The following KATNAL2 variants were observed in gnomAD, a reference collection of about 807,000 sequenced individuals.
The protein encoded by KATNAL2 is katanin p60 ATPase-containing subunit A-like 2.
KATNAL2 carries 52 observed loss-of-function variants against 76.3 expected under a neutral mutation model. That is an observed-to-expected ratio of 0.68 (90% CI 0.55 to 0.86). The LOEUF (loss-of-function observed/expected upper bound fraction) is 0.86, where lower values mean the gene tolerates loss of function less well. KATNAL2 is among the 40% of genes least tolerant of loss of function. The pLI is 0.00. For synonymous variants in KATNAL2, 243 were observed against 244.2 expected (o/e 1.00, Z 0.05); for missense variants, 660 against 668.9 (o/e 0.99, Z 0.15).
chr18:46,946,388 G>C lies in KATNAL2; in HGVS notation c.-178G>C. On this transcript the variant is annotated 5_prime_UTR_variant, in exon 2 of 18. Coordinates refer to ENST00000683218, the MANE Select transcript of KATNAL2 (RefSeq NM_001387690.1). Reference sequence around the variant, plus strand: ...ACAGCAGATTCGTCCAGTCTAGATAGACCATGCACAGAGAATTTCAAAGAA... The same window carrying C: ...ACAGCAGATTCGTCCAGTCTAGATACACCATGCACAGAGAATTTCAAAGAA... 1 of 1,033,740 alleles carries C rather than the reference G, an allele frequency of 9.7e-7. No homozygotes were observed. The highest frequency in any genetic ancestry group is 1.2e-6 in the Non-Finnish European group (1 of 857,820). The allele number at this position is 1,033,740 out of a possible 1,614,324, so 64.0% of individuals were successfully genotyped here.
chr18:47,099,530 G>T, intron 16 of KATNAL2, 125 bp downstream of exon 16: 1 of 819,710 alleles, frequency 1.2e-6, no homozygotes. Flanking sequence ...AGCTGCCCCC[G>T]TAATGCAATG....
chr18:47,069,284 G>A lies in KATNAL2; in HGVS notation c.889+1G>A, dbSNP rs1360931871. 8 of 1,606,800 alleles carry A rather than the reference G, an allele frequency of 5.0e-6. No individual in the cohort carries two copies. Among genetic ancestry groups the A allele is most frequent in the Non-Finnish European group, 6.8e-6 (8 of 1,175,804 alleles). ...GGACTACTGCTGTACGGCCCTCCAG[G>A]TAAACACAGCTTCCTATTTTGATGT... is the stretch of plus-strand genomic sequence containing the variant. On this transcript the variant is annotated splice_donor_variant, in intron 12 of 17. Coordinates refer to ENST00000683218, the MANE Select transcript of KATNAL2 (RefSeq NM_001387690.1). LOFTEE classifies it high-confidence loss of function.
At chr18:47,044,889 A>C (rs1245373097) in intron 3 of KATNAL2, among the ~76,000 whole-genome samples, 1 of 152,172 alleles carries the variant, frequency 6.6e-6, no homozygotes, top group African/African-American at 2.4e-5. Flanking sequence ...TTTGAGAACA[A>C]CTTAGCCAAC....
chr18:47,036,468 C>T (rs1242575696), intron 3 of KATNAL2, among the ~76,000 whole-genome samples: 1 of 152,222 alleles, frequency 6.6e-6, no homozygotes, highest in Non-Finnish European at 1.5e-5. Flanking sequence ...CTGTCTTTGA[C>T]TGGAGTGCTG....
chr18:47,081,080 C>T (rs1376044033), intron 15 of KATNAL2, among the ~76,000 whole-genome samples: 1 of 150,774 alleles, frequency 6.6e-6, no homozygotes, highest in African/African-American at 2.4e-5. Flanking sequence ...GCCTTCTTCC[C>T]TCCTTCCCTC....
In KATNAL2 at chr18:47,099,228, CT is replaced by C. The variant is rs2063372102; in HGVS notation, c.1212-14del. The C allele has an allele frequency of 1.2e-6, 2 of 1,600,560 alleles. No homozygotes were observed. The highest frequency in any genetic ancestry group is 1.7e-6 in the Non-Finnish European group (2 of 1,171,976). On this transcript the variant is annotated splice_polypyrimidine_tract_variant and intron_variant, in intron 15 of 17. Transcript: ENST00000683218. ...TTTGCAGCCCTGTCCAGCTCCATTT[CT>C]GGTGTGATTTCAGGGAGCTGGACTG...
chr18:46,919,963 A>G, intron 1 of KATNAL2: 1 of 781,702 alleles, frequency 1.3e-6, no homozygotes, highest in Admixed American at 2.3e-5. Flanking sequence ...ATAGAGTACA[A>G]TACAGCCCTG....
At chr18:47,070,562 T>C (rs2061964039) in intron 13 of KATNAL2, among the ~76,000 whole-genome samples, 1 of 152,208 alleles carries the variant, frequency 6.6e-6, no homozygotes, top group South Asian at 2.1e-4. Flanking sequence ...GAAATCCTGT[T>C]AAACTATCAC....
chr18:46,926,884 T>G (rs1435398868), intron 1 of KATNAL2, among the ~76,000 whole-genome samples: 2 of 152,214 alleles, frequency 1.3e-5, no homozygotes, highest in Non-Finnish European at 2.9e-5. Flanking sequence ...TAAAGTTTGT[T>G]TTATCAGAGA....
At chr18:47,031,006 A>C in intron 3 of KATNAL2, among the ~76,000 whole-genome samples, 1 of 41,322 alleles carries the variant, frequency 2.4e-5, no homozygotes, top group African/African-American at 1.0e-4. Context: ...GAATCCCTCT[A>C]GCATCTCCCC....
At chr18:47,063,105 T>A in intron 9 of KATNAL2, 35 bp downstream of exon 9, 1 of 1,570,056 alleles carries the variant, frequency 6.4e-7, no homozygotes, top group Non-Finnish European at 8.8e-7. Flanking sequence ...ATCTTTCAAA[T>A]TGCCAACATC....
Position 47,059,629 on chromosome 18 carries a change from G to A in KATNAL2, c.524G>A (p.Gly175Glu). Reference protein sequence around the residue: ...LHISRIRKDSGEENAHPRRGQ... With the variant: ...LHISRIRKDSEEENAHPRRGQ... ...ATATCAAGAATCCGTAAAGACAGTG[G>A]AGAGGAAAATGCCCACCCACGAAGA... The change falls in exon 8 of 18, where the codon GGA becomes GAA. Residue 175 changes from glycine to glutamate, a missense_variant. Coordinates refer to ENST00000683218, the MANE Select transcript of KATNAL2 (RefSeq NM_001387690.1). 6.2e-7 allele frequency: 1 copy of A among 1,613,566 alleles called. No individual in the cohort carries two copies. Among genetic ancestry groups the A allele is most frequent in the Middle Eastern group, 1.7e-4 (1 of 6,060 alleles).
intron 1 of KATNAL2, among the ~76,000 whole-genome samples, chr18:46,932,841 T>C (rs927001473): frequency 1.3e-5 from 2 of 151,768 alleles, no homozygotes; most frequent in African/African-American, 4.8e-5. Context: ...CTCAGCTCAC[T>C]GCAACCTCTG....
At chr18:46,958,464 C>T (rs2059831132) in intron 3 of KATNAL2, among the ~76,000 whole-genome samples, 1 of 151,926 alleles carries the variant, frequency 6.6e-6, no homozygotes, top group Non-Finnish European at 1.5e-5. Flanking sequence ...TTTATACATA[C>T]ACATGTGCAT....
chr18:46,957,870 G>T (rs1231424744), intron 3 of KATNAL2, among the ~76,000 whole-genome samples: 2 of 151,954 alleles, frequency 1.3e-5, no homozygotes, highest in African/African-American at 4.8e-5. Context: ...CCTAATTATT[G>T]TATTTTTAGT....
At position 47,034,613 on chromosome 18, in the gene KATNAL2, T is replaced by C. The variant is rs747761241; in HGVS notation, c.52-11844T>C. On this transcript the variant is annotated intron_variant, in intron 3 of 17. Coordinates refer to ENST00000683218, the MANE Select transcript of KATNAL2 (RefSeq NM_001387690.1). ...CCCTTGCTGTGGCTCACAACGGCTT[T>C]CCCCTGGGGTTGGCCCTGGCAGCCT... 1.9e-5 allele frequency: 30 copies of C among 1,614,006 alleles called. No homozygotes were observed. The Admixed American group carries it at 3.3e-4, about 18-fold the overall frequency.
In KATNAL2 at chr18:47,075,293, C is replaced by T. The variant is rs2062162119; in HGVS notation, c.1025C>T (p.Ala342Val). 1.3e-6 allele frequency: 2 copies of T among 1,556,522 alleles called. No homozygotes were observed. Among genetic ancestry groups the T allele is most frequent in the African/African-American group, 1.4e-5 (1 of 71,064 alleles). The change falls in exon 14 of 18, where the codon GCC becomes GTC. Residue 342 changes from alanine to valine, a missense_variant. Physicochemically the swap from Ala to Val is moderately conservative, Grantham distance 64 (BLOSUM62 0). Transcript: ENST00000683218. ...CCCACCCAGGTGTTATTTGAGCTTG[C>T]CCGCTACCACGCCCCATCCACGATC... Reference protein sequence around the residue: ...EKLVRVLFELARYHAPSTIFL... With the variant: ...EKLVRVLFELVRYHAPSTIFL...
chr18:47,056,398 G>A (rs2061472680), intron 6 of KATNAL2, among the ~76,000 whole-genome samples: 1 of 152,150 alleles, frequency 6.6e-6, no homozygotes, highest in African/African-American at 2.4e-5. Flanking sequence ...CCAGTATGAG[G>A]AACAATCTGG....
In KATNAL2 at chr18:46,959,862, A is replaced by G. The variant is rs76367686; in HGVS notation, c.51+12939A>G. Among the ~76,000 whole-genome samples the G allele has an allele frequency of 7.5e-3, 1,148 of 152,334 alleles. 15 individuals carry two copies. Among genetic ancestry groups the G allele is most frequent in the African/African-American group, 0.026 (1,101 of 41,580 alleles). Reference sequence around the variant, plus strand: ...AATGCTGAGGTTACAGGTGTGAGCCACCACGCCTGGCCAGGTTTTAATTTT... The same window carrying G: ...AATGCTGAGGTTACAGGTGTGAGCCGCCACGCCTGGCCAGGTTTTAATTTT... On this transcript the variant is annotated intron_variant, in intron 3 of 17. Coordinates refer to ENST00000683218, the MANE Select transcript of KATNAL2 (RefSeq NM_001387690.1).
Sources: gnomAD v4.1 joint callset for allele counts (sites outside exome capture counted in the v4.1 genomes callset) on GRCh38, gnomAD v4.1.1 for gene constraint, MANE v1.5 for transcripts, NCBI Gene and HGNC (gene_info 2026-07-23, HGNC 2026-07-21) for gene names.